Variants in ZNF236 observed in about 807,000 individuals in gnomAD.
ZNF236 encodes the protein zinc finger protein 236.
A neutral mutation model predicts 191.2 loss-of-function variants in ZNF236; 50 were observed. That is an observed-to-expected ratio of 0.26 (90% CI 0.21 to 0.33). The LOEUF (loss-of-function observed/expected upper bound fraction) is 0.33, where lower values mean the gene tolerates loss of function less well. Among genes scored for constraint, ZNF236 ranks in the 10% least tolerant of loss-of-function variants. The probability of loss-of-function intolerance (pLI) is 1.00; values close to 1 mark genes in which losing one functional copy is unlikely to be tolerated. For missense variants in ZNF236, 1,754 were observed against 2,374.5 expected (o/e 0.74, Z 5.43); for synonymous variants, 907 against 928.8 (o/e 0.98, Z 0.43).
At chr18:76,956,371 G>C (rs1968525446) in intron 28 of ZNF236, among the ~76,000 whole-genome samples, 189 bp downstream of exon 28, 1 of 152,214 alleles carries the variant, frequency 6.6e-6, no homozygotes, top group African/African-American at 2.4e-5. Context: ...CAGATGAATT[G>C]CATGTTCACC....
chr18:76,875,672 C>A lies in ZNF236; in HGVS notation c.840+8C>A, dbSNP rs369081978. ...CAGCGAGTCCACTCAGAGGTAAACA[C>A]GGGTTGGGGGCATAAGCGGTATTTC... On this transcript the variant is annotated splice_region_variant and intron_variant, in intron 6 of 30. Coordinates refer to ENST00000320610, the MANE Select transcript of ZNF236 (RefSeq NM_001306089.2). This position sits in a 1 kb window ranked among gnomAD's most constrained non-coding sequence, Gnocchi z 4.3. The A allele has an allele frequency of 1.9e-6, 3 of 1,552,390 alleles. No individual in the cohort carries two copies. The African/African-American group carries it at 4.1e-5, about 21-fold the overall frequency.
In ZNF236 at chr18:76,968,856, A is replaced by G. The variant is rs1968849543; in HGVS notation, c.*517A>G. 1 of 987,378 alleles carries G rather than the reference A, an allele frequency of 1.0e-6. No individual in the cohort carries two copies. The highest frequency in any genetic ancestry group is 4.7e-5 in the South Asian group (1 of 21,448). The allele number at this position is 987,378 out of a possible 1,614,324, so 61.2% of individuals were successfully genotyped here. A position where few individuals can be genotyped will look rare whatever the true frequency, so the allele number is the denominator to read the frequency against. On this transcript the variant is annotated 3_prime_UTR_variant, in exon 31 of 31. Transcript: ENST00000320610. ...CTCTGTGCATTTTGAAAATTAGTCA[A>G]AATGGACTCTTTTCAGTCTACCATA...
intron 11 of ZNF236, among the ~76,000 whole-genome samples, chr18:76,903,838 C>T (rs1977668162): frequency 6.7e-6 from 1 of 150,230 alleles, no homozygotes; most frequent in Admixed American, 6.7e-5. Context: ...TGTAGATATC[C>T]CTTTAGTGAT....
In ZNF236 at chr18:76,841,694, C is replaced by T. The variant is rs78190277; in HGVS notation, c.56-7832C>T. ...AAGTAGCAACTGGGTTTTTTTTTTT[C>T]TTTTTTTTTTTTTTCTGAGATGGAG... On this transcript the variant is annotated intron_variant, in intron 1 of 30. Coordinates refer to ENST00000320610, the MANE Select transcript of ZNF236 (RefSeq NM_001306089.2). Among the ~76,000 whole-genome samples the T allele has an allele frequency of 3.5e-3, 444 of 128,490 alleles. 2 individuals are homozygous for T. The highest frequency in any genetic ancestry group is 0.01 in the South Asian group (40 of 3,940). The allele number at this position is 128,490 out of a possible 152,430, so 84.3% of individuals were successfully genotyped here. A position where few individuals can be genotyped will look rare whatever the true frequency, so the allele number is the denominator to read the frequency against.
At chr18:76,824,448 T>C (rs1974960843) in intron 1 of ZNF236, 1 of 780,918 alleles carries the variant, frequency 1.3e-6, no homozygotes, top group African/African-American at 1.7e-5. Context: ...GCTCAGAATT[T>C]TGATTAATGG....
chr18:76,944,978 A>C (rs968886819), intron 26 of ZNF236, among the ~76,000 whole-genome samples: 14 of 152,234 alleles, frequency 9.2e-5, no homozygotes, highest in African/African-American at 3.4e-4. Flanking sequence ...ATGTTGCAGA[A>C]CTGTAGTATA....
At chr18:76,865,899 T>A (rs1976391213) in intron 3 of ZNF236, among the ~76,000 whole-genome samples, 1 of 152,212 alleles carries the variant, frequency 6.6e-6, no homozygotes, top group South Asian at 2.1e-4. Flanking sequence ...TAGTTTAAGG[T>A]GTTCCGTTTT....
chr18:76,919,639 C>G lies in ZNF236; in HGVS notation c.3275-137C>G, dbSNP rs1967477842. Reference sequence around the variant, plus strand: ...CAATAGAGGTGGGAAAATATAGCAACTCTCTACCATCATAAAAATAGCTTG... The same window carrying G: ...CAATAGAGGTGGGAAAATATAGCAAGTCTCTACCATCATAAAAATAGCTTG... On this transcript the variant is annotated intron_variant, in intron 19 of 30. Transcript: ENST00000320610. This position sits in a 1 kb window ranked among gnomAD's most constrained non-coding sequence, Gnocchi z 5.3. 9.3e-7 allele frequency: 1 copy of G among 1,069,848 alleles called. No individual in the cohort carries two copies. The highest frequency in any genetic ancestry group is 1.3e-6 in the Non-Finnish European group (1 of 754,784). The allele number at this position is 1,069,848 out of a possible 1,614,324, so 66.3% of individuals were successfully genotyped here. A position where few individuals can be genotyped will look rare whatever the true frequency, so the allele number is the denominator to read the frequency against.
At chr18:76,825,526 A>G (rs1974990150) in intron 1 of ZNF236, among the ~76,000 whole-genome samples, 1 of 152,222 alleles carries the variant, frequency 6.6e-6, no homozygotes, top group African/African-American at 2.4e-5. Flanking sequence ...TGCACCAGAG[A>G]AAATGCAGAA....
At chr18:76,900,413 GTTAC>G (rs1391492419) in intron 11 of ZNF236, among the ~76,000 whole-genome samples, 23 of 152,254 alleles carry the variant, frequency 1.5e-4, no homozygotes. Context: ...AATAAAAAGA[GTTAC>G]TTAATAGCTT....
intron 1 of ZNF236, among the ~76,000 whole-genome samples, chr18:76,846,298 G>A (rs1373264488): frequency 6.6e-6 from 1 of 152,172 alleles, no homozygotes; most frequent in African/African-American, 2.4e-5. Context: ...CAGATACTCT[G>A]GGGACCAGAA....
rs556826441 is a variant in ZNF236, at chr18:76,823,299, G to T, written c.55+637G>T. Among the ~76,000 whole-genome samples, 4 of 152,158 alleles carry T rather than the reference G, an allele frequency of 2.6e-5. No individual in the cohort carries two copies. In the South Asian group the frequency reaches 8.3e-4, roughly 32 times the overall value. The stretch of plus-strand genomic sequence containing the variant: ...GGGCGCGCTGTGGGGCGTGCATACA[G>T]TAGGCGCCATTGTGATCCGGGAACT... On this transcript the variant is annotated intron_variant, in intron 1 of 30. Coordinates refer to ENST00000320610, the MANE Select transcript of ZNF236 (RefSeq NM_001306089.2).
At chr18:76,889,419 A>G (rs971344035) in intron 9 of ZNF236, among the ~76,000 whole-genome samples, 8 of 152,204 alleles carry the variant, frequency 5.3e-5, no homozygotes, top group African/African-American at 1.9e-4. Context: ...TCCAGGGCAG[A>G]TACCTTTTGA....
At chr18:76,836,157 C>T (rs781281648) in intron 1 of ZNF236, among the ~76,000 whole-genome samples, 20 of 152,276 alleles carry the variant, frequency 1.3e-4, no homozygotes, top group African/African-American at 4.6e-4. Context: ...CTGCCCACCT[C>T]GGCCTCCCAA....
At chr18:76,831,731 C>G (rs905019574) in intron 1 of ZNF236, among the ~76,000 whole-genome samples, 4 of 152,174 alleles carry the variant, frequency 2.6e-5, no homozygotes, top group Non-Finnish European at 4.4e-5. Flanking sequence ...TTTAGCCATT[C>G]TGTTAGGCGT....
intron 9 of ZNF236, among the ~76,000 whole-genome samples, chr18:76,890,330 A>G (rs1568214760): frequency 6.6e-6 from 1 of 152,232 alleles, no homozygotes; most frequent in East Asian, 1.9e-4. Context: ...ATCCTTGTAC[A>G]TAATCATAGT....
At chr18:76,916,283 G>A (rs531621) in intron 19 of ZNF236, among the ~76,000 whole-genome samples, 59,911 of 152,088 alleles carry the variant, frequency 0.39, 11,866 homozygotes, top group East Asian at 0.53. Flanking sequence ...AGATGACTCC[G>A]TGGAATTCCA....
At chr18:76,950,703 G>A (rs187593169) in intron 27 of ZNF236, among the ~76,000 whole-genome samples, 14 of 152,298 alleles carry the variant, frequency 9.2e-5, no homozygotes, top group Non-Finnish European at 5.9e-5. Context: ...TTGATATTTT[G>A]ACTTCCTCCC....
At chr18:76,874,585 A>C (rs188949671) in intron 5 of ZNF236, among the ~76,000 whole-genome samples, 1 of 152,186 alleles carries the variant, frequency 6.6e-6, no homozygotes, top group African/African-American at 2.4e-5. Context: ...AGAAGTCTGC[A>C]GAAAAATCAA....
Sources: gnomAD v4.1 joint callset for allele counts (sites outside exome capture counted in the v4.1 genomes callset) on GRCh38, gnomAD v4.1.1 for gene constraint, Gnocchi (gnomAD v3.1) non-coding constraint, MANE v1.5 for transcripts, NCBI Gene and HGNC (gene_info 2026-07-23, HGNC 2026-07-21) for gene names.